The following PTGR1 variants were observed in gnomAD, a reference collection of about 807,000 sequenced individuals.
The protein encoded by PTGR1 is 15-oxoprostaglandin 13-reductase.
In PTGR1, 23 loss-of-function variants were observed where a neutral mutation model predicts 37.7. The observed-to-expected ratio is 0.61, with a 90% CI of 0.44 to 0.86. The LOEUF (loss-of-function observed/expected upper bound fraction) is 0.86, where lower values mean the gene tolerates loss of function less well. PTGR1 is among the 40% of genes least tolerant of loss of function. PTGR1 has a pLI of 0.00. For synonymous variants in PTGR1, 134 were observed against 140.0 expected (o/e 0.96, Z 0.30); for missense variants, 351 against 394.3 (o/e 0.89, Z 0.93).
intron 1 of PTGR1, among the ~76,000 whole-genome samples, chr9:111,598,123 T>C (rs1310259026): frequency 6.6e-6 from 1 of 151,880 alleles, no homozygotes; most frequent in African/African-American, 2.4e-5. Flanking sequence ...CCACTTGCAC[T>C]CAGCCATCGG....
chr9:111,558,510 T>TA (rs1174092307), downstream of PTGR1, among the ~76,000 whole-genome samples: 2 of 152,098 alleles, frequency 1.3e-5, no homozygotes, highest in Admixed American at 6.6e-5. Context: ...AGAATCCTCT[T>TA]AAAAAAAGAA....
chr9:111,560,974 TAGAGAGAGAGAG>T (rs1172194603), downstream of PTGR1, among the ~76,000 whole-genome samples: 13 of 9,330 alleles, frequency 1.4e-3, no homozygotes, highest in Non-Finnish European at 1.9e-3. Context: ...TATATATATA[TAGAGAGAGAGAG>T]AGAGAGAGAG....
At chr9:111,572,040 C>T (rs951445064) in intron 8 of PTGR1, among the ~76,000 whole-genome samples, 1 of 152,184 alleles carries the variant, frequency 6.6e-6, no homozygotes, top group Non-Finnish European at 1.5e-5. Context: ...TTTCAAGTTC[C>T]AGGAAGTCAG....
intron 9 of PTGR1, among the ~76,000 whole-genome samples, chr9:111,557,506 C>T (rs1417306907): frequency 2.0e-5 from 3 of 151,694 alleles, no homozygotes; most frequent in Admixed American, 6.6e-5. Context: ...AGTGCAATGG[C>T]GTGATCTCAG....
chr9:111,588,631 T>C (rs2132424944), intron 4 of PTGR1, among the ~76,000 whole-genome samples: 1 of 152,070 alleles, frequency 6.6e-6, no homozygotes, highest in South Asian at 2.1e-4. Flanking sequence ...GTTCAAGCAA[T>C]TCTCGTCCCT....
intron 6 of PTGR1, among the ~76,000 whole-genome samples, chr9:111,581,775 A>G (rs1471921369): frequency 6.6e-6 from 1 of 152,160 alleles, no homozygotes; most frequent in Non-Finnish European, 1.5e-5. Flanking sequence ...TGCACCTGGC[A>G]GGTCCTTTGA....
At chr9:111,557,769 G>C (rs901390275), downstream of PTGR1, among the ~76,000 whole-genome samples, 2 of 152,150 alleles carry the variant, frequency 1.3e-5, no homozygotes, top group African/African-American at 2.4e-5. Context: ...TTGACCACTT[G>C]ATTCAGTGGT....
At chr9:111,567,750 T>C (rs1445855126) in intron 9 of PTGR1, among the ~76,000 whole-genome samples, 3 of 152,072 alleles carry the variant, frequency 2.0e-5, no homozygotes, top group Non-Finnish European at 2.9e-5. Flanking sequence ...GGCCACCACA[T>C]TGGGAATTGT....
At chr9:111,597,131 A>G (rs1829804518) in intron 2 of PTGR1, among the ~76,000 whole-genome samples, 186 bp downstream of exon 2, 1 of 151,940 alleles carries the variant, frequency 6.6e-6, no homozygotes, top group African/African-American at 2.4e-5. Context: ...TAAATTAACC[A>G]TTTACCCCAG....
At chr9:111,592,229 C>G (rs1213306821) in intron 4 of PTGR1, 1 of 152,212 alleles carries the variant, frequency 6.6e-6, no homozygotes, top group Non-Finnish European at 1.5e-5. Flanking sequence ...TTGTAACCAG[C>G]TTTTGCTGCA....
intron 1 of PTGR1, 89 bp from the exon 2 acceptor site, chr9:111,597,521 AT>A: frequency 1.4e-6 from 1 of 722,690 alleles, no homozygotes; most frequent in South Asian, 1.7e-5. Flanking sequence ...AGACAGCACA[AT>A]TACAATATCC....
chr9:111,558,429 G>C (rs1022453822), downstream of PTGR1, among the ~76,000 whole-genome samples: 1 of 152,134 alleles, frequency 6.6e-6, no homozygotes, highest in African/African-American at 2.4e-5. Context: ...TGTTGTCTCA[G>C]CTAGTTGGGA....
chr9:111,554,209 T>C (rs1828053695), intron 9 of PTGR1, among the ~76,000 whole-genome samples: 1 of 152,222 alleles, frequency 6.6e-6, no homozygotes, highest in African/African-American at 2.4e-5. Context: ...ATGGAATTGA[T>C]AGTTAATGGG....
At chr9:111,575,138 T>C (rs995481597) in intron 7 of PTGR1, among the ~76,000 whole-genome samples, 44 of 152,178 alleles carry the variant, frequency 2.9e-4, no homozygotes, top group African/African-American at 9.9e-4. Context: ...CTGTCTCTAC[T>C]AAAGATACAA....
At chr9:111,559,324 CTG>C (rs1828209283), downstream of PTGR1, among the ~76,000 whole-genome samples, 1 of 152,180 alleles carries the variant, frequency 6.6e-6, no homozygotes, top group South Asian at 2.1e-4. Context: ...GCCCTCCATA[CTG>C]TGTGGACTTT....
intron 9 of PTGR1, among the ~76,000 whole-genome samples, chr9:111,565,413 C>A (rs1181150863): frequency 1.3e-5 from 2 of 152,188 alleles, no homozygotes; most frequent in African/African-American, 4.8e-5. Flanking sequence ...CAAACTAATA[C>A]AAATACTAAT....
chr9:111,550,801 T>C (rs1367205842), intron 9 of PTGR1, among the ~76,000 whole-genome samples: 2 of 152,232 alleles, frequency 1.3e-5, no homozygotes, highest in Non-Finnish European at 2.9e-5. Context: ...TTCTTCCTTT[T>C]TTCTAATTGG....
At chr9:111,556,794 C>T (rs1003270408) in intron 9 of PTGR1, among the ~76,000 whole-genome samples, 1 of 152,222 alleles carries the variant, frequency 6.6e-6, no homozygotes, top group Non-Finnish European at 1.5e-5. Context: ...GTGCTTGCTT[C>T]CCCTTTGCCC....
chr9:111,572,099 A>C (rs578176666), intron 8 of PTGR1, among the ~76,000 whole-genome samples: 38 of 152,366 alleles, frequency 2.5e-4, no homozygotes, highest in African/African-American at 7.0e-4. Context: ...TAGCTTCAGC[A>C]TCTTTGACCA....
Sources: allele counts gnomAD v4.1 joint callset (sites outside exome capture counted in the v4.1 genomes callset), GRCh38; gene constraint gnomAD v4.1.1; transcripts MANE v1.5; gene names NCBI Gene and HGNC (gene_info 2026-07-23, HGNC 2026-07-21).